Variants in PIGK observed in about 807,000 individuals in gnomAD.
The protein encoded by PIGK is phosphatidylinositol glycan anchor biosynthesis class K, also known as GPI-anchor transamidase.
PIGK carries 42 observed loss-of-function variants against 50.6 expected under a neutral mutation model. The ratio of observed to expected loss-of-function variants is 0.83; its 90% CI spans 0.65 to 1.07. The LOEUF (loss-of-function observed/expected upper bound fraction) is 1.07. PIGK is among the 50% of genes least tolerant of loss of function. The pLI is 0.00. For missense variants in PIGK, 448 were observed against 488.7 expected (o/e 0.92, Z 0.78); for synonymous variants, 151 against 156.0 (o/e 0.97, Z 0.24).
In PIGK at chr1:77,122,590, T is replaced by C. The variant is rs920658815; in HGVS notation, c.987-231A>G. ...AATAAAATGAGCTAGCATCACTTAA[T>C]GTTCTCAGATCCTGTCTTTCTCTGA... On this transcript the variant is annotated intron_variant, in intron 9 of 10. Coordinates refer to ENST00000370812, the MANE Select transcript of PIGK (RefSeq NM_005482.3). Among the ~76,000 whole-genome samples, 5 of 152,346 alleles carry C rather than the reference T, an allele frequency of 3.3e-5. No homozygotes were observed. In the East Asian group the frequency reaches 9.7e-4, roughly 29 times the overall value.
chr1:77,199,858 T>C (rs1189127194), intron 3 of PIGK, among the ~76,000 whole-genome samples: 1 of 152,136 alleles, frequency 6.6e-6, no homozygotes. Context: ...TATTTTAATA[T>C]ACATTATCTC....
In PIGK at chr1:77,166,817, T is replaced by C; in HGVS notation, c.389A>G (p.Asn130Ser). The C allele has an allele frequency of 1.3e-6, 2 of 1,549,324 alleles. No homozygotes were observed. The highest frequency in any genetic ancestry group is 1.4e-5 in the African/African-American group (1 of 73,258). ...CCTCCCAGTTAATACCCGTAAAAAATTCTCCACAGTTACCTAAGGGGGAAA... is the reference window on the plus strand; with the variant it reads ...CCTCCCAGTTAATACCCGTAAAAAACTCTCCACAGTTACCTAAGGGGGAAA... ...DYRSYEVTVENFLRVLTGRIP... is the reference protein window; with the variant it reads ...DYRSYEVTVESFLRVLTGRIP... Residue 130 changes from asparagine to serine, a missense_variant, in exon 5 of 11, where the codon AAT (asparagine) becomes AGT (serine). Coordinates refer to ENST00000370812, the MANE Select transcript of PIGK (RefSeq NM_005482.3).
At chr1:77,173,442 T>C (rs1171763368) in intron 3 of PIGK, among the ~76,000 whole-genome samples, 1 of 152,152 alleles carries the variant, frequency 6.6e-6, no homozygotes, top group Non-Finnish European at 1.5e-5. Flanking sequence ...TTATTTTCCT[T>C]TGTGATGCAG....
Position 77,137,080 on chromosome 1 carries a change from A to G in PIGK, c.987-14721T>C, listed in dbSNP as rs187307846. 3.3e-5 allele frequency among the ~76,000 whole-genome samples: 5 copies of G among 152,314 alleles called. No homozygotes were observed. The East Asian group carries it at 9.6e-4, about 29-fold the overall frequency. Reference sequence around the variant, plus strand: ...TTGGATTTGTGATTCCTTCTGCACAATAGGATGCAGCAAGAATAACAGGGC... The same window carrying G: ...TTGGATTTGTGATTCCTTCTGCACAGTAGGATGCAGCAAGAATAACAGGGC... On this transcript the variant is annotated intron_variant, in intron 9 of 10. Coordinates refer to ENST00000370812, the MANE Select transcript of PIGK (RefSeq NM_005482.3).
At chr1:77,169,144 G>C in intron 4 of PIGK, 116 bp downstream of exon 4, 1 of 593,498 alleles carries the variant, frequency 1.7e-6, no homozygotes, top group Non-Finnish European at 2.7e-6. Context: ...TTACATCAAG[G>C]CTTCAGTGAC....
At chr1:77,212,710 A>C (rs1018207799) in intron 1 of PIGK, among the ~76,000 whole-genome samples, 1 of 152,226 alleles carries the variant, frequency 6.6e-6, no homozygotes, top group East Asian at 1.9e-4. Context: ...AAAAAGAGAC[A>C]AAGGTCACTA....
intron 9 of PIGK, among the ~76,000 whole-genome samples, chr1:77,130,363 T>A (rs956549430): frequency 1.1e-4 from 16 of 149,890 alleles, no homozygotes; most frequent in African/African-American, 3.7e-4. Flanking sequence ...TCTTTTTGCA[T>A]TTTTATCTTT....
chr1:77,217,437 A>G (rs1476095003), intron 1 of PIGK, among the ~76,000 whole-genome samples: 3 of 152,222 alleles, frequency 2.0e-5, no homozygotes, highest in Non-Finnish European at 4.4e-5. Flanking sequence ...GCCTAACTAG[A>G]AGTTTGAAAG....
intron 9 of PIGK, among the ~76,000 whole-genome samples, chr1:77,136,536 C>CAAAAAAAA (rs778130093): frequency 3.1e-5 from 2 of 63,672 alleles, no homozygotes; most frequent in African/African-American, 6.2e-5. Flanking sequence ...GACTCCGTCT[C>CAAAAAAAA]AAAAAAAAAA....
chr1:77,154,956 T>C (rs914799503), intron 8 of PIGK, among the ~76,000 whole-genome samples: 3 of 152,180 alleles, frequency 2.0e-5, no homozygotes, highest in Non-Finnish European at 4.4e-5. Flanking sequence ...AATTGCTCTT[T>C]TTCTTTGTCT....
intron 9 of PIGK, among the ~76,000 whole-genome samples, chr1:77,132,949 T>C (rs1654411540): frequency 6.6e-6 from 1 of 152,124 alleles, no homozygotes; most frequent in Admixed American, 6.5e-5. Context: ...TTTAAGTTTG[T>C]TCTCTATGTT....
At chr1:77,131,409 C>T (rs964936679) in intron 9 of PIGK, among the ~76,000 whole-genome samples, 1 of 152,074 alleles carries the variant, frequency 6.6e-6, no homozygotes, top group Admixed American at 6.5e-5. Context: ...TTTCCTTACT[C>T]CATTAGTTGA....
At position 77,161,697 on chromosome 1, in the gene PIGK, A is replaced by C. The variant is rs990243397; in HGVS notation, c.599T>G (p.Leu200Arg). The change falls in exon 7 of 11, where the codon CTG (leucine) becomes CGG (arginine). Residue 200 changes from leucine (L) to arginine (R), a missense_variant. Leu to Arg is a moderately radical substitution (Grantham distance 102, BLOSUM62 -2). Transcript: ENST00000370812. The part of the protein sequence containing the change: ...MWQKRRYNEL[L>R]FIIDTCQGAS... Reference sequence around the variant, plus strand: ...TCCTTGGCAAGTATCAATAATAAACAGTAGCTCATTGTAGCTGAAAGAAAA... The same window carrying C: ...TCCTTGGCAAGTATCAATAATAAACCGTAGCTCATTGTAGCTGAAAGAAAA... The C allele has an allele frequency of 6.8e-7, 1 of 1,478,806 alleles. No individual in the cohort carries two copies. The highest frequency in any genetic ancestry group is 9.5e-7 in the Non-Finnish European group (1 of 1,057,462). 91.6% of individuals were successfully genotyped at this position (1,478,806 alleles called of 1,614,324 possible). A position where few individuals can be genotyped will look rare whatever the true frequency, so the allele number is the denominator to read the frequency against.
chr1:77,182,422 T>C (rs1028663988), intron 3 of PIGK, among the ~76,000 whole-genome samples: 6 of 152,108 alleles, frequency 3.9e-5, no homozygotes, highest in Admixed American at 3.9e-4. Context: ...GGGTCTGCCT[T>C]TCCCAGCCTC....
At chr1:77,216,879 G>A (rs930792630) in intron 1 of PIGK, among the ~76,000 whole-genome samples, 1 of 152,102 alleles carries the variant, frequency 6.6e-6, no homozygotes, top group African/African-American at 2.4e-5. Context: ...AGACCTTAGT[G>A]AAAAAATTTA....
At chr1:77,146,917 T>C (rs1654782471) in intron 9 of PIGK, among the ~76,000 whole-genome samples, 1 of 151,838 alleles carries the variant, frequency 6.6e-6, no homozygotes, top group Non-Finnish European at 1.5e-5. Context: ...TACAGTGAGC[T>C]ATGACTCTGC....
At chr1:77,144,773 T>A (rs975305525) in intron 9 of PIGK, among the ~76,000 whole-genome samples, 1 of 151,954 alleles carries the variant, frequency 6.6e-6, no homozygotes, top group African/African-American at 2.4e-5. Flanking sequence ...TTTATCCATA[T>A]GCAAAATGAC....
At chr1:77,159,810 T>G (rs1655095349) in intron 8 of PIGK, among the ~76,000 whole-genome samples, 1 of 152,178 alleles carries the variant, frequency 6.6e-6, no homozygotes, top group Non-Finnish European at 1.5e-5. Context: ...CTAACTTGCT[T>G]TTGATTTTGC....
chr1:77,218,674 A>G (rs1208593002), intron 1 of PIGK, among the ~76,000 whole-genome samples: 1 of 152,162 alleles, frequency 6.6e-6, no homozygotes, highest in Non-Finnish European at 1.5e-5. Flanking sequence ...GATACCAGAC[A>G]TCTAGATTGT....
Sources: gnomAD v4.1 joint callset for allele counts (sites outside exome capture counted in the v4.1 genomes callset) on GRCh38, gnomAD v4.1.1 for gene constraint, MANE v1.5 for transcripts, NCBI Gene and HGNC (gene_info 2026-07-23, HGNC 2026-07-21) for gene names.